Variants in STXBP5L observed in about 807,000 individuals in gnomAD.
The protein encoded by STXBP5L is syntaxin binding protein 5L.
Under a neutral mutation model 144.5 loss-of-function variants are expected in STXBP5L, and 65 were observed. The observed-to-expected ratio is 0.45, with a 90% confidence interval of 0.37 to 0.55. STXBP5L has a LOEUF of 0.55. STXBP5L is among the 20% of genes least tolerant of loss of function. STXBP5L has a pLI of 0.00. For missense variants in STXBP5L, 1,298 were observed against 1,405.5 expected (o/e 0.92, Z 1.22); for synonymous variants, 505 against 469.6 (o/e 1.08, Z -0.97).
chr3:121,139,480 C>T (rs1192368398), intron 7 of STXBP5L, among the ~76,000 whole-genome samples: 1 of 152,102 alleles, frequency 6.6e-6, no homozygotes, highest in African/African-American at 2.4e-5. Context: ...TACCCAAGAT[C>T]GTGTTGCTTG....
At chr3:120,915,054 T>C (rs891286953) in intron 2 of STXBP5L, among the ~76,000 whole-genome samples, 3 of 152,126 alleles carry the variant, frequency 2.0e-5, no homozygotes, top group African/African-American at 7.2e-5. Context: ...TCACAAAAAG[T>C]CCTTTGGTGC....
intron 5 of STXBP5L, among the ~76,000 whole-genome samples, chr3:121,113,925 G>A (rs996771856): frequency 3.9e-5 from 6 of 151,954 alleles, no homozygotes; most frequent in Non-Finnish European, 5.9e-5. Flanking sequence ...ACCTGCCTCG[G>A]CCTCTCAAAG....
At chr3:121,197,914 G>T (rs535813017) in intron 9 of STXBP5L, among the ~76,000 whole-genome samples, 3 of 152,148 alleles carry the variant, frequency 2.0e-5, no homozygotes, top group Non-Finnish European at 2.9e-5. Flanking sequence ...ATTTGGGTTG[G>T]TTCCAAGTTT....
At chr3:121,222,713 G>C (rs1413911463) in intron 10 of STXBP5L, among the ~76,000 whole-genome samples, 1 of 152,100 alleles carries the variant, frequency 6.6e-6, no homozygotes, top group African/African-American at 2.4e-5. Flanking sequence ...ATGTCCTTTT[G>C]AGAGTCAGTG....
chr3:121,107,114 T>C (rs1228858476), intron 5 of STXBP5L, among the ~76,000 whole-genome samples: 2 of 152,164 alleles, frequency 1.3e-5, no homozygotes, highest in African/African-American at 4.8e-5. Flanking sequence ...TGTAAATTTG[T>C]TTAAATTCCT....
chr3:121,352,941 A>G (rs910830176), intron 20 of STXBP5L, among the ~76,000 whole-genome samples: 2 of 152,100 alleles, frequency 1.3e-5, no homozygotes, highest in African/African-American at 2.4e-5. Flanking sequence ...TGAGATAATC[A>G]TGTGGTTTTT....
At chr3:121,373,598 G>C (rs1346147639) in intron 20 of STXBP5L, among the ~76,000 whole-genome samples, 1 of 152,158 alleles carries the variant, frequency 6.6e-6, no homozygotes, top group South Asian at 2.1e-4. Context: ...TCTGGCACCT[G>C]AGCCATGCAG....
intron 5 of STXBP5L, among the ~76,000 whole-genome samples, chr3:121,083,992 A>C (rs1386268203): frequency 1.3e-5 from 2 of 151,834 alleles, no homozygotes; most frequent in Admixed American, 6.5e-5. Flanking sequence ...AAAATCTCCT[A>C]CTAGAGATTT....
intron 20 of STXBP5L, among the ~76,000 whole-genome samples, chr3:121,322,152 C>G (rs1162693421): frequency 6.6e-6 from 1 of 152,182 alleles, no homozygotes; most frequent in Non-Finnish European, 1.5e-5. Flanking sequence ...AGGGTAATGA[C>G]TTCCATCCAG....
chr3:121,143,793 A>G (rs2045605767), intron 7 of STXBP5L, among the ~76,000 whole-genome samples: 1 of 151,896 alleles, frequency 6.6e-6, no homozygotes, highest in Admixed American at 6.6e-5. Context: ...ACATCTTACT[A>G]AAAACATCAA....
chr3:121,311,451 A>G (rs1158783036), intron 19 of STXBP5L, among the ~76,000 whole-genome samples: 1 of 152,258 alleles, frequency 6.6e-6, no homozygotes, highest in Non-Finnish European at 1.5e-5. Flanking sequence ...AAAGTGTGGT[A>G]TATCTTTATA....
chr3:120,953,325 CTT>C (rs397875191), intron 2 of STXBP5L, among the ~76,000 whole-genome samples: 8,301 of 105,524 alleles, frequency 0.079, 305 homozygotes, highest in African/African-American at 0.14. Context: ...TCACAATTGA[CTT>C]TTTTTTTTTT....
chr3:120,991,221 C>T (rs1324083898), intron 3 of STXBP5L, among the ~76,000 whole-genome samples: 1 of 147,892 alleles, frequency 6.8e-6, no homozygotes, highest in Non-Finnish European at 1.5e-5. Context: ...CCAAAAGACA[C>T]ATGAAAAAAT....
chr3:120,908,403 GCTCC>G (rs1708641374), intron 1 of STXBP5L, 69 bp downstream of exon 1: 1 of 156,480 alleles, frequency 6.4e-6, no homozygotes. Context: ...TCCAGCTGTG[GCTCC>G]CTCGCACCTG....
chr3:120,941,635 T>G (rs761241262), intron 2 of STXBP5L, among the ~76,000 whole-genome samples: 11 of 151,794 alleles, frequency 7.2e-5, no homozygotes, highest in Non-Finnish European at 1.5e-4. Flanking sequence ...TTATTACAAT[T>G]ATTTACCTTT....
In STXBP5L at chr3:121,419,056, T is replaced by A; in HGVS notation, c.3448T>A (p.Leu1150Ile). 6.2e-7 allele frequency: 1 copy of A among 1,611,132 alleles called. No individual in the cohort carries two copies. The highest frequency in any genetic ancestry group is 8.5e-7 in the Non-Finnish European group (1 of 1,178,894). ...AEAFSKHAHE[L>I]MLKYKDKKWY... The stretch of plus-strand genomic sequence containing the variant: ...TATGGTGGCTATTTTTTCTTTGCAG[T>A]TAATGCTGAAATACAAGGATAAGAA... The change falls in exon 27 of 27, where the codon TTA (leucine) becomes ATA (isoleucine). Residue 1150 changes from leucine to isoleucine, a missense_variant and splice_region_variant. Physicochemically the swap from Leu to Ile is conservative, Grantham distance 5. Transcript: ENST00000471454.
intron 9 of STXBP5L, among the ~76,000 whole-genome samples, chr3:121,173,642 T>C (rs1239031957): frequency 6.6e-6 from 1 of 152,070 alleles, no homozygotes; most frequent in African/African-American, 2.4e-5. Flanking sequence ...ATGTATTATA[T>C]ACTGTACCCT....
intron 5 of STXBP5L, among the ~76,000 whole-genome samples, chr3:121,109,854 G>A (rs1189318452): frequency 2.0e-5 from 3 of 152,100 alleles, no homozygotes; most frequent in Admixed American, 6.5e-5. Context: ...AAATCTTTTT[G>A]TAGGTTTCTA....
chr3:121,090,787 T>C (rs1422849252), intron 5 of STXBP5L, among the ~76,000 whole-genome samples: 1 of 152,128 alleles, frequency 6.6e-6, no homozygotes, highest in African/African-American at 2.4e-5. Context: ...TTTATTTTTT[T>C]ATTATTATAC....
Sources: gnomAD v4.1 joint callset for allele counts (sites outside exome capture counted in the v4.1 genomes callset) on GRCh38, gnomAD v4.1.1 for gene constraint, MANE v1.5 for transcripts, NCBI Gene and HGNC (gene_info 2026-07-23, HGNC 2026-07-21) for gene names.